Variants in QTGAL observed in about 807,000 individuals in gnomAD.
The protein encoded by QTGAL is BGnT-like protein 1.
the QTGAL span, among the ~76,000 whole-genome samples, chr17:83,034,112 G>A: frequency 8.6e-5 from 13 of 151,930 alleles, no homozygotes; most frequent in African/African-American, 2.2e-4. Context: ...GGCTAATTTC[G>A]TATTTTTAGT....
chr17:83,022,282 C>T, the QTGAL span, among the ~76,000 whole-genome samples: 12 of 149,294 alleles, frequency 8.0e-5, no homozygotes, highest in South Asian at 2.1e-4. Flanking sequence ...GCACTGTCCC[C>T]GCCCCACCTG....
chr17:83,048,932 G>C, the QTGAL span: 1 of 666,540 alleles, frequency 1.5e-6, no homozygotes, highest in Non-Finnish European at 2.7e-6. Context: ...TAACATGCTT[G>C]TAAGATTCTT....
At chr17:83,011,188 G>A in the QTGAL span, among the ~76,000 whole-genome samples, 1 of 152,240 alleles carries the variant, frequency 6.6e-6, no homozygotes, top group Non-Finnish European at 1.5e-5. Context: ...GGGTCAGCCG[G>A]GGCGAGAGGA....
At chr17:83,018,352 G>A in the QTGAL span, among the ~76,000 whole-genome samples, 12 of 152,112 alleles carry the variant, frequency 7.9e-5, no homozygotes, top group South Asian at 8.3e-4. Flanking sequence ...TGTACCACAC[G>A]TGCTCCGTGA....
the QTGAL span, among the ~76,000 whole-genome samples, chr17:83,045,785 C>T: frequency 2.0e-5 from 3 of 150,982 alleles, no homozygotes; most frequent in East Asian, 5.8e-4. Context: ...CTTGAATAAA[C>T]ATTTCTTCAA....
chr17:82,976,215 C>T, the QTGAL span, among the ~76,000 whole-genome samples: 8 of 72,340 alleles, frequency 1.1e-4, 1 homozygote, highest in Admixed American at 1.1e-4. Flanking sequence ...GTCAGGGCCC[C>T]GGGACAGAGC....
chr17:82,966,032 C>T, the QTGAL span, among the ~76,000 whole-genome samples: 4 of 152,018 alleles, frequency 2.6e-5, no homozygotes, highest in South Asian at 4.1e-4. Context: ...ATCTCAGCCT[C>T]CCAGGTAGCT....
At chr17:82,997,204 T>C in the QTGAL span, among the ~76,000 whole-genome samples, 4 of 152,102 alleles carry the variant, frequency 2.6e-5, no homozygotes, top group East Asian at 5.8e-4. Flanking sequence ...CTAGGAAAAA[T>C]AGAATAATCC....
chr17:83,007,419 G>C, the QTGAL span, among the ~76,000 whole-genome samples: 1 of 152,172 alleles, frequency 6.6e-6, no homozygotes. Flanking sequence ...ACTGTCTCAC[G>C]TTTGACTGCT....
At chr17:83,008,624 G>T in the QTGAL span, among the ~76,000 whole-genome samples, 1 of 152,180 alleles carries the variant, frequency 6.6e-6, no homozygotes, top group Non-Finnish European at 1.5e-5. Context: ...ATGACACCAC[G>T]TGACACGGTG....
the QTGAL span, among the ~76,000 whole-genome samples, chr17:83,001,863 G>A: frequency 6.6e-6 from 1 of 152,102 alleles, no homozygotes; most frequent in East Asian, 1.9e-4. Context: ...TTGACCTCCT[G>A]GGCTCAGGTG....
chr17:82,970,468 T>C, the QTGAL span, among the ~76,000 whole-genome samples: 1 of 151,628 alleles, frequency 6.6e-6, no homozygotes, highest in African/African-American at 2.4e-5. Flanking sequence ...CTGGAGCTTC[T>C]GCCGTTTGCA....
the QTGAL span, among the ~76,000 whole-genome samples, chr17:82,973,453 G>A: frequency 2.0e-5 from 3 of 152,332 alleles, no homozygotes; most frequent in East Asian, 5.8e-4. Flanking sequence ...GGTTTTCACG[G>A]TCTTCCCGGG....
At chr17:83,023,762 G>A in the QTGAL span, among the ~76,000 whole-genome samples, 13 of 152,062 alleles carry the variant, frequency 8.5e-5, no homozygotes, top group African/African-American at 2.2e-4. Context: ...CCACCCCCAC[G>A]TCTCCCGACC....
chr17:82,965,883 G>A, the QTGAL span: 1 of 905,220 alleles, frequency 1.1e-6, no homozygotes, highest in Non-Finnish European at 1.7e-6. Flanking sequence ...AGGGCCTCAA[G>A]AGACTTCACC....
At chr17:82,960,077 C>T in the QTGAL span, among the ~76,000 whole-genome samples, 11 of 152,322 alleles carry the variant, frequency 7.2e-5, no homozygotes, top group East Asian at 3.9e-4. Context: ...GACACGTCAC[C>T]GCATGAGGAG....
At chr17:82,980,118 T>C in the QTGAL span, among the ~76,000 whole-genome samples, 1 of 152,230 alleles carries the variant, frequency 6.6e-6, no homozygotes, top group Non-Finnish European at 1.5e-5. Flanking sequence ...ATAAAACTTT[T>C]AGAAGAAAAT....
At chr17:82,961,920 C>T in the QTGAL span, among the ~76,000 whole-genome samples, 1 of 152,196 alleles carries the variant, frequency 6.6e-6, no homozygotes, top group Non-Finnish European at 1.5e-5. Flanking sequence ...AATCCTCAGC[C>T]CAGGGCTCTG....
the QTGAL span, among the ~76,000 whole-genome samples, chr17:82,959,396 A>C: frequency 1.3e-5 from 1 of 78,394 alleles, no homozygotes; most frequent in Non-Finnish European, 2.9e-5. Context: ...GTGTGCAGTG[A>C]GTACGTGTGT....
Sources: gnomAD v4.1 joint callset for allele counts (sites outside exome capture counted in the v4.1 genomes callset) on GRCh38, gnomAD v4.1.1 for gene constraint, MANE v1.5 for transcripts, NCBI Gene and HGNC (gene_info 2026-07-23, HGNC 2026-07-21) for gene names.